Variants in IQCH observed in about 807,000 individuals in gnomAD.
IQCH encodes IQ domain-containing protein H.
A neutral mutation model predicts 117.0 loss-of-function variants in IQCH; 98 were observed. The observed-to-expected ratio is 0.84, with a 90% CI of 0.71 to 0.99. The LOEUF is 0.99. IQCH is among the 50% of genes least tolerant of loss of function. The pLI, the probability that IQCH is intolerant of heterozygous loss-of-function variation, is 0.00. For missense variants in IQCH, 1,102 were observed against 1,243.8 expected (o/e 0.89, Z 1.72); for synonymous variants, 412 against 448.2 (o/e 0.92, Z 1.02).
intron 6 of IQCH, 144 bp downstream of exon 6, chr15:67,344,335 A>G (rs899374731): frequency 3.4e-6 from 2 of 587,238 alleles, no homozygotes; most frequent in Non-Finnish European, 5.8e-6. Flanking sequence ...CTACATTCCC[A>G]CAGTCAGCTA....
In IQCH at chr15:67,459,276, A is replaced by T. The variant is rs867865628; in HGVS notation, c.2506-5851A>T. 9.2e-5 allele frequency among the ~76,000 whole-genome samples: 14 copies of T among 152,310 alleles called. No individual in the cohort carries two copies. The highest frequency in any genetic ancestry group is 3.4e-3 in the Middle Eastern group (1 of 294). On this transcript the variant is annotated intron_variant, in intron 16 of 20. Transcript: ENST00000335894. The surrounding 1 kb of genome is among the most constrained non-coding windows in gnomAD (Gnocchi z 4.2). ...ATCTTTGGATTCATAAAGCTCTGAA[A>T]TCCTGATTCTTCAGTGAGTGTTATT...
At chr15:67,322,746 T>C (rs1968196602) in intron 4 of IQCH, among the ~76,000 whole-genome samples, 1 of 152,036 alleles carries the variant, frequency 6.6e-6, no homozygotes, top group Non-Finnish European at 1.5e-5. Context: ...AGAAGAATTT[T>C]ATTGAGCAAC....
chr15:67,334,481 A>G (rs1318618939), intron 4 of IQCH, among the ~76,000 whole-genome samples: 1 of 152,042 alleles, frequency 6.6e-6, no homozygotes, highest in African/African-American at 2.4e-5. Context: ...CACTTTTACT[A>G]CCTATAACTG....
In IQCH at chr15:67,413,710, A is replaced by G. The variant is rs573677933; in HGVS notation, c.2098-3221A>G. 1.3e-5 allele frequency among the ~76,000 whole-genome samples: 2 copies of G among 152,238 alleles called. No individual in the cohort carries two copies. Among genetic ancestry groups the G allele is most frequent in the South Asian group, 4.2e-4 (2 of 4,816 alleles). ...CTCTCCATGCCTTTTTTCTTAGAGA[A>G]TGAATCATGGCCCCAAGCTGCCTCT... is the stretch of plus-strand genomic sequence containing the variant. On this transcript the variant is annotated intron_variant, in intron 14 of 20. Transcript: ENST00000335894. This position sits in a 1 kb window ranked among gnomAD's most constrained non-coding sequence, Gnocchi z 5.0.
chr15:67,421,370 A>C lies in IQCH; in HGVS notation c.2298A>C (p.Lys766Asn). 6.2e-7 allele frequency: 1 copy of C among 1,614,172 alleles called. No individual in the cohort carries two copies. Residue 766 changes from lysine to asparagine, a missense_variant, in exon 16 of 21, where the codon AAA (lysine) becomes AAC (asparagine). Physicochemically the swap from Lys to Asn is moderately conservative, Grantham distance 94. Around this residue, in one of 2 missense-constraint regions of IQCH, gnomAD observed 650 missense variants for 794.3 expected, o/e 0.82. Coordinates refer to ENST00000335894, the MANE Select transcript of IQCH (RefSeq NM_001031715.3). ...ACATGCTGATAGAGCCCAACGGGAA[A>C]ATCAGCGTGCTGTCGACAGGGGACC... ...TVDMLIEPNGKISVLSTGDQL... is the reference protein window; with the variant it reads ...TVDMLIEPNGNISVLSTGDQL...
chr15:67,357,476 G>T, intron 7 of IQCH, 55 bp downstream of exon 7: 2 of 1,131,782 alleles, frequency 1.8e-6, no homozygotes, highest in Non-Finnish European at 1.3e-6. Flanking sequence ...AGCACTTTCT[G>T]TGAGATATTT....
chr15:67,485,796 C>G (rs1272190331), intron 18 of IQCH, among the ~76,000 whole-genome samples: 1 of 151,908 alleles, frequency 6.6e-6, no homozygotes, highest in Non-Finnish European at 1.5e-5. Flanking sequence ...GTAGCTGGGA[C>G]TACAGGCACG....
At position 67,393,322 on chromosome 15, in the gene IQCH, G is replaced by A. The variant is rs917682663; in HGVS notation, c.1633-1969G>A. On this transcript the variant is annotated intron_variant, in intron 12 of 20. Coordinates refer to ENST00000335894, the MANE Select transcript of IQCH (RefSeq NM_001031715.3). The surrounding 1 kb of genome is among the most constrained non-coding windows in gnomAD (Gnocchi z 5.5). ...CCCATACTCAGGAGTTATACTCTCC[G>A]ACAATTTGCAAACTGGTGCATCTGA... Among the ~76,000 whole-genome samples the A allele has an allele frequency of 3.0e-4, 45 of 152,136 alleles. No individual in the cohort carries two copies. The highest frequency in any genetic ancestry group is 1.0e-3 in the African/African-American group (43 of 41,504).
At chr15:67,341,239 G>A (rs1196595430) in intron 5 of IQCH, among the ~76,000 whole-genome samples, 5 of 151,962 alleles carry the variant, frequency 3.3e-5, no homozygotes, top group African/African-American at 1.2e-4. Flanking sequence ...GAAAAAGAGA[G>A]AGAAAATAAA....
intron 4 of IQCH, among the ~76,000 whole-genome samples, chr15:67,318,683 G>T (rs944957939): frequency 1.3e-5 from 2 of 152,052 alleles, no homozygotes; most frequent in Non-Finnish European, 1.5e-5. Context: ...TCCATGGGTA[G>T]AAAAATTGAT....
At chr15:67,374,117 A>G (rs1386205690) in intron 10 of IQCH, 1 of 152,240 alleles carries the variant, frequency 6.6e-6, no homozygotes, top group South Asian at 2.1e-4. Flanking sequence ...TGACATTGGG[A>G]ATTTCAGAAA....
At chr15:67,379,679 C>T (rs75759663) in intron 10 of IQCH, among the ~76,000 whole-genome samples, 33 of 152,014 alleles carry the variant, frequency 2.2e-4, no homozygotes, top group African/African-American at 6.8e-4. Flanking sequence ...TCACAAGAGC[C>T]GACAGTTTTA....
At chr15:67,415,537 A>C (rs1278922097) in intron 14 of IQCH, among the ~76,000 whole-genome samples, 2 of 152,192 alleles carry the variant, frequency 1.3e-5, no homozygotes, top group African/African-American at 4.8e-5. Flanking sequence ...GCATAGTGTC[A>C]GATGTTTGTC....
rs1319205359 is a variant in IQCH, at chr15:67,387,571, T to C, written c.1457-1260T>C. On this transcript the variant is annotated intron_variant, in intron 11 of 20. Coordinates refer to ENST00000335894, the MANE Select transcript of IQCH (RefSeq NM_001031715.3). This position sits in a 1 kb window ranked among gnomAD's most constrained non-coding sequence, Gnocchi z 4.8. Reference sequence around the variant, plus strand: ...CACTACTTCATGTTAAATCTTGCACTGATCAAAAGGAATGTAGGTGTGGGG... The same window carrying C: ...CACTACTTCATGTTAAATCTTGCACCGATCAAAAGGAATGTAGGTGTGGGG... Among the ~76,000 whole-genome samples, 1 of 152,030 alleles carries C rather than the reference T, an allele frequency of 6.6e-6. No individual in the cohort carries two copies. The highest frequency in any genetic ancestry group is 1.5e-5 in the Non-Finnish European group (1 of 67,972).
At chr15:67,400,761 A>T (rs1454469752) in intron 14 of IQCH, among the ~76,000 whole-genome samples, 2 of 151,772 alleles carry the variant, frequency 1.3e-5, no homozygotes, top group Non-Finnish European at 2.9e-5. Context: ...AGCCTCCCAA[A>T]GTGCTGGGAT....
chr15:67,302,879 CAA>C (rs1246736625), intron 4 of IQCH, among the ~76,000 whole-genome samples: 1 of 152,040 alleles, frequency 6.6e-6, no homozygotes, highest in Non-Finnish European at 1.5e-5. Flanking sequence ...ACAACAACAA[CAA>C]AAAACCATGC....
In IQCH at chr15:67,431,306, C is replaced by G. The variant is rs1395279521; in HGVS notation, c.2505+9729C>G. On this transcript the variant is annotated intron_variant, in intron 16 of 20. Coordinates refer to ENST00000335894, the MANE Select transcript of IQCH (RefSeq NM_001031715.3). The surrounding 1 kb of genome is among the most constrained non-coding windows in gnomAD (Gnocchi z 4.8). ...AAATTCCCAAATTAAAAAATTCTTT[C>G]AGAACAAGATCATGTCCTGCATTTG... 6.6e-6 allele frequency among the ~76,000 whole-genome samples: 1 copy of G among 152,120 alleles called. No homozygotes were observed. The highest frequency in any genetic ancestry group is 2.4e-5 in the African/African-American group (1 of 41,428).
Position 67,416,498 on chromosome 15 carries a change from C to T in IQCH, c.2098-433C>T, listed in dbSNP as rs1251545294. ...CGCCATTGCACTCCAGCCTGGGCAA[C>T]AAGAGCAAAACTGCGTCTCAAAAAA... On this transcript the variant is annotated intron_variant, in intron 14 of 20. Coordinates refer to ENST00000335894, the MANE Select transcript of IQCH (RefSeq NM_001031715.3). The surrounding 1 kb of genome is among the most constrained non-coding windows in gnomAD (Gnocchi z 5.1). Among the ~76,000 whole-genome samples the T allele has an allele frequency of 6.7e-6, 1 of 148,190 alleles. No individual in the cohort carries two copies. Among genetic ancestry groups the T allele is most frequent in the African/African-American group, 2.5e-5 (1 of 40,068 alleles).
At chr15:67,339,662 G>T (rs1293861152) in intron 5 of IQCH, among the ~76,000 whole-genome samples, 2 of 152,134 alleles carry the variant, frequency 1.3e-5, no homozygotes, top group Admixed American at 1.3e-4. Context: ...GATCCCATTT[G>T]CTTATTCTAA....
Sources: gnomAD v4.1 joint callset for allele counts (sites outside exome capture counted in the v4.1 genomes callset) on GRCh38, gnomAD v4.1.1 for gene constraint, gnomAD v4.1.1 regional missense constraint, Gnocchi (gnomAD v3.1) non-coding constraint, MANE v1.5 for transcripts, NCBI Gene and HGNC (gene_info 2026-07-23, HGNC 2026-07-21) for gene names.